The following RSRP1 variants were observed in gnomAD, a reference collection of about 807,000 sequenced individuals.
RSRP1 encodes arginine and serine rich protein 1.
A neutral mutation model predicts 33.0 loss-of-function variants in RSRP1; 37 were observed. That is an observed-to-expected ratio of 1.12 (90% CI 0.86 to 1.48). RSRP1 has a LOEUF of 1.48. Among genes scored for constraint, RSRP1 ranks in the 40% most tolerant of loss-of-function variants. The pLI, the probability that RSRP1 is intolerant of heterozygous loss-of-function variation, is 0.00. For synonymous variants in RSRP1, 167 were observed against 158.7 expected, an observed-to-expected ratio of 1.05 and a Z score of -0.40; for missense variants, 402 against 385.3, an observed-to-expected ratio of 1.04 and a Z score of -0.36.
rs2518077 is a variant in RSRP1 at position 25,308,494 on chromosome 1, A to G, written c.-67+29484T>C. ...AAAGCCAATCAGTGGTTTTCTGGTA[A>G]AGGATTAACTTAACAAACTGGCTTT... On this transcript the variant is annotated intron_variant, in intron 1 of 1. Coordinates refer to the RSRP1 transcript ENST00000561867. Among the ~76,000 whole-genome samples the G allele has an allele frequency of 1.2e-3, 164 of 131,748 alleles. 26 individuals are homozygous for G. The highest frequency in any genetic ancestry group is 3.8e-3 in the African/African-American group (144 of 38,218). 86.4% of individuals were successfully genotyped at this position (131,748 alleles called of 152,430 possible).
At chr1:25,323,363 C>T (rs1644817791) in intron 1 of RSRP1, among the ~76,000 whole-genome samples, 1 of 105,354 alleles carries the variant, frequency 9.5e-6, no homozygotes, top group African/African-American at 3.2e-5. Context: ...CTTCCACACA[C>T]TTCCTCCTGC....
At position 25,274,260 on chromosome 1, in the gene RSRP1, C is replaced by T. The variant is rs1305538132; in HGVS notation, c.-66-27231G>A. ...GGATGTTGAGTAATTTGCCCACGGT[C>T]GCTCAGCTAGCAATAGCACAGCGTA... On this transcript the variant is annotated intron_variant, in intron 1 of 1. Transcript: ENST00000561867. 1.4e-4 allele frequency among the ~76,000 whole-genome samples: 18 copies of T among 132,004 alleles called. 2 individuals carry two copies. The highest frequency in any genetic ancestry group is 4.6e-4 in the African/African-American group (18 of 38,838). The allele number at this position is 132,004 out of a possible 152,430, so 86.6% of individuals were successfully genotyped here.
At chr1:25,256,192 T>C (rs1472010115) in intron 1 of RSRP1, among the ~76,000 whole-genome samples, 3 of 151,496 alleles carry the variant, frequency 2.0e-5, no homozygotes, top group African/African-American at 4.9e-5. Context: ...ACTAGCTCTG[T>C]TGTCCAGGCC....
intron 3 of RSRP1, chr1:25,243,979 C>A: frequency 8.7e-7 from 1 of 1,153,930 alleles, no homozygotes; most frequent in Non-Finnish European, 1.1e-6. Flanking sequence ...GGCACCTAAT[C>A]GTCTGAACAA....
Position 25,246,466 on chromosome 1 carries a change from G to A in RSRP1, c.498C>T (p.Thr166=). The A allele has an allele frequency of 7.4e-6, 12 of 1,613,652 alleles. No homozygotes were observed. Among genetic ancestry groups the A allele is most frequent in the Non-Finnish European group, 1.0e-5 (12 of 1,179,546 alleles). Residue 166 remains threonine (T), a synonymous_variant, in exon 2 of 5, where the codon ACC becomes ACT. Coordinates refer to ENST00000243189, the MANE Select transcript of RSRP1 (RefSeq NM_020317.5). Reference sequence around the variant, plus strand: ...CACCTTTTTCACTTAAGCGAAAGGGGGTTCTGCTCCGCGACCTCGTCCTGG... The same window carrying A: ...CACCTTTTTCACTTAAGCGAAAGGGAGTTCTGCTCCGCGACCTCGTCCTGG... ...DRSRTRSRSR[T]PFRLSEKDRM...
chr1:25,307,023 A>G lies in RSRP1; in HGVS notation c.-67+30955T>C, dbSNP rs1643886851. On this transcript the variant is annotated intron_variant, in intron 1 of 1. Coordinates refer to the RSRP1 transcript ENST00000561867. The stretch of plus-strand genomic sequence containing the variant: ...GAGCAGGTCAAATAGGCCCAAGCCA[A>G]TTGAGACTGTGGTTCAGGTCGTGAT... 9 of 369,090 alleles carry G rather than the reference A, an allele frequency of 2.4e-5. 3 individuals are homozygous for G. In the Middle Eastern group the frequency reaches 2.6e-3, roughly 105 times the overall value. 22.9% of individuals were successfully genotyped at this position (369,090 alleles called of 1,614,324 possible). A position where few individuals can be genotyped will look rare whatever the true frequency, so the allele number is the denominator to read the frequency against.
rs766877396 is a variant in RSRP1 at position 25,242,618 on chromosome 1, T to C, written c.844A>G (p.Ser282Gly). ...SRSPKIDQKK[S>G]PYGLWIPI ...ATAGGTATCCACAGTCCATATGGAC[T>C]TTTTTTCTGATCTATTTTTGGTGAT... The change falls in exon 5 of 5, where the codon AGT becomes GGT. Residue 282 changes from serine (S) to glycine (G), a missense_variant. By Grantham distance (56) the Ser-to-Gly change is moderately conservative. Coordinates refer to ENST00000243189, the MANE Select transcript of RSRP1 (RefSeq NM_020317.5). 7 of 1,611,200 alleles carry C rather than the reference T, an allele frequency of 4.3e-6. No homozygotes were observed. The highest frequency in any genetic ancestry group is 5.9e-6 in the Non-Finnish European group (7 of 1,178,694).
At chr1:25,294,495 T>C (rs1642773298) in intron 1 of RSRP1, 2 of 684,442 alleles carry the variant, frequency 2.9e-6, no homozygotes, top group Non-Finnish European at 5.3e-6. Flanking sequence ...CGGTGACAAG[T>C]GTATGTGCTG....
chr1:25,244,155 T>C (rs950455530), intron 3 of RSRP1: 6 of 1,288,330 alleles, frequency 4.7e-6, no homozygotes, highest in South Asian at 1.2e-5. Context: ...ATCCTGCACA[T>C]TTCTGGAGAA....
rs1270998323 is a variant in RSRP1, at chr1:25,332,041, AT to A, written c.-67+5936del. On this transcript the variant is annotated intron_variant, in intron 1 of 1. Transcript: ENST00000561867. Reference sequence around the variant, plus strand: ...AGGCATGAGCCACCGCGCCCAGCAGATTTTTTTTTTTTTTTTTGAGATGGAG... The same window carrying A: ...AGGCATGAGCCACCGCGCCCAGCAGATTTTTTTTTTTTTTTTGAGATGGAG... 3.5e-3 allele frequency among the ~76,000 whole-genome samples: 334 copies of A among 94,752 alleles called. 19 individuals carry two copies. The South Asian group carries it at 0.043, about 12-fold the overall frequency. The allele number at this position is 94,752 out of a possible 152,430, so 62.2% of individuals were successfully genotyped here.
intron 1 of RSRP1, among the ~76,000 whole-genome samples, chr1:25,318,600 GAA>G (rs200414156): frequency 0.015 from 1,981 of 131,616 alleles, 302 homozygotes; most frequent in African/African-American, 0.046. Context: ...AAAAAAGAAA[GAA>G]AATATACATT....
At chr1:25,329,237 GTTT>G (rs71014352) in intron 1 of RSRP1, 3,098 of 231,404 alleles carry the variant, frequency 0.013, 13 homozygotes, top group African/African-American at 0.08. Flanking sequence ...ATTATTCCTT[GTTT>G]TTTTTTTTTT....
chr1:25,275,544 C>T (rs1269056437), intron 1 of RSRP1, among the ~76,000 whole-genome samples: 1 of 131,772 alleles, frequency 7.6e-6, no homozygotes, highest in African/African-American at 2.6e-5. Context: ...TGATGGTGTA[C>T]ACACGATTTT....
chr1:25,271,777 T>C (rs1640530789), intron 1 of RSRP1, among the ~76,000 whole-genome samples: 1 of 131,074 alleles, frequency 7.6e-6, no homozygotes, highest in African/African-American at 2.6e-5. Context: ...TGCACTGTAG[T>C]GCCCCAGGCA....
chr1:25,251,746 C>A (rs1402402740), upstream of RSRP1, among the ~76,000 whole-genome samples: 1 of 152,134 alleles, frequency 6.6e-6, no homozygotes, highest in East Asian at 1.9e-4. Context: ...TGTATACAAG[C>A]TAACGATCAT....
intron 1 of RSRP1, among the ~76,000 whole-genome samples, chr1:25,323,393 C>G (rs77160738): frequency 4.0e-5 from 4 of 99,772 alleles, no homozygotes; most frequent in African/African-American, 1.4e-4. Flanking sequence ...ATTCCTCCCT[C>G]CCTACCCACC....
Position 25,270,617 on chromosome 1 carries a change from A to G in RSRP1, c.-66-23588T>C, listed in dbSNP as rs1414258615. On this transcript the variant is annotated intron_variant, in intron 1 of 1. Coordinates refer to the RSRP1 transcript ENST00000561867. ...ACAAAACCCGTCCCTGGTGCCAAAA[A>G]GCTTGGGGACCCCTGATCTAGGCTA... Among the ~76,000 whole-genome samples, 3 of 132,228 alleles carry G rather than the reference A, an allele frequency of 2.3e-5. 1 individual carries two copies. Among genetic ancestry groups the G allele is most frequent in the African/African-American group, 7.7e-5 (3 of 38,720 alleles). The allele number at this position is 132,228 out of a possible 152,430, so 86.7% of individuals were successfully genotyped here. A position where few individuals can be genotyped will look rare whatever the true frequency, so the allele number is the denominator to read the frequency against.
intron 1 of RSRP1, chr1:25,304,678 C>T (rs1343237825): frequency 7.7e-6 from 1 of 130,016 alleles, no homozygotes; most frequent in Non-Finnish European, 1.8e-5. Context: ...TTTGCAGCAA[C>T]ATGGATGGAA....
At chr1:25,261,451 CT>C (rs377327974) in intron 1 of RSRP1, among the ~76,000 whole-genome samples, 1,538 of 150,464 alleles carry the variant, frequency 0.01, 14 homozygotes, top group Middle Eastern at 0.017. Context: ...GTCACCCAGG[CT>C]GGAGTGCAGT....
Sources: gnomAD v4.1 joint callset for allele counts (sites outside exome capture counted in the v4.1 genomes callset) on GRCh38, gnomAD v4.1.1 for gene constraint, MANE v1.5 for transcripts, NCBI Gene and HGNC (gene_info 2026-07-23, HGNC 2026-07-21) for gene names.